TPR: variants seen among roughly 807,000 people sequenced by gnomAD.
The protein encoded by TPR is translocated promoter region, nuclear basket protein.
In TPR, 51 loss-of-function variants were observed where a neutral mutation model predicts 316.1. That is an observed-to-expected ratio of 0.16 (90% CI 0.13 to 0.20). The LOEUF (loss-of-function observed/expected upper bound fraction) is 0.20. TPR is among the 10% of genes least tolerant of loss of function. TPR has a pLI of 1.00. For synonymous variants in TPR, 981 were observed against 914.7 expected, an observed-to-expected ratio of 1.07 and a Z score of -1.31; for missense variants, 2,272 against 2,754.8, an observed-to-expected ratio of 0.82 and a Z score of 3.92.
At chr1:186,338,590 A>T (rs1462827745) in intron 30 of TPR, among the ~76,000 whole-genome samples, 3 of 152,208 alleles carry the variant, frequency 2.0e-5, no homozygotes, top group Admixed American at 2.0e-4. Flanking sequence ...GAGTATTGTC[A>T]AATTTTTTCT....
chr1:186,347,675 C>G (rs1174675339), intron 21 of TPR, among the ~76,000 whole-genome samples: 1 of 152,088 alleles, frequency 6.6e-6, no homozygotes, highest in Non-Finnish European at 1.5e-5. Context: ...AAATCTGTTA[C>G]AAAAATTAAG....
chr1:186,334,309 GTAT>G lies in TPR; in HGVS notation c.5182+13_5182+15del. 6.2e-7 allele frequency: 1 copy of G among 1,600,666 alleles called. No homozygotes were observed. Among genetic ancestry groups the G allele is most frequent in the Non-Finnish European group, 8.5e-7 (1 of 1,170,696 alleles). ...CTAAATAAGCAGTCTCATCAGATCT[GTAT>G]TATTTTACTAACCTTCCTGTGATTC... On this transcript the variant is annotated intron_variant, in intron 36 of 50. Coordinates refer to ENST00000367478, the MANE Select transcript of TPR (RefSeq NM_003292.3).
chr1:186,360,638 T>G, intron 10 of TPR, 127 bp downstream of exon 10: 1 of 1,259,206 alleles, frequency 7.9e-7, no homozygotes, highest in South Asian at 1.4e-5. Context: ...ACAAATTCTA[T>G]TAATATAACT....
intron 2 of TPR, among the ~76,000 whole-genome samples, chr1:186,372,636 C>T (rs1323049889): frequency 6.6e-6 from 1 of 152,194 alleles, no homozygotes; most frequent in Non-Finnish European, 1.5e-5. Flanking sequence ...CAGTCTACAG[C>T]CAGACCACCC....
At chr1:186,342,980 T>A in intron 27 of TPR, 1 of 179,194 alleles carries the variant, frequency 5.6e-6, no homozygotes, top group Non-Finnish European at 1.2e-5. Flanking sequence ...AAGCACCCAC[T>A]ACATACCAGA....
chr1:186,327,271 T>TAA (rs1336587257), intron 40 of TPR, among the ~76,000 whole-genome samples, 189 bp downstream of exon 40: 2 of 6,046 alleles, frequency 3.3e-4, no homozygotes, highest in African/African-American at 1.0e-3. Flanking sequence ...ATAATATATA[T>TAA]ATTTATATAT....
intron 49 of TPR, among the ~76,000 whole-genome samples, chr1:186,315,213 A>ACAAAC (rs1168318731): frequency 6.6e-6 from 1 of 150,552 alleles, no homozygotes; most frequent in Admixed American, 6.6e-5. Flanking sequence ...TCTCAAAAAA[A>ACAAAC]AAACAAACAA....
chr1:186,322,350 T>A lies in TPR; in HGVS notation c.6429A>T (p.Pro2143=). Residue 2143 remains proline, a synonymous_variant, in exon 45 of 51, where the codon CCA becomes CCT. Transcript: ENST00000367478. Reference sequence around the variant, plus strand: ...CTTCAGCAAATCCATCAGTACGATGTGGCACCACAAGAGTTGGAGTACTTG... The same window carrying A: ...CTTCAGCAAATCCATCAGTACGATGAGGCACCACAAGAGTTGGAGTACTTG... ...TVPSTPTLVV[P]HRTDGFAEAI... is the part of the protein sequence containing the mutation. 6.2e-7 allele frequency: 1 copy of A among 1,613,316 alleles called. No individual in the cohort carries two copies. The highest frequency in any genetic ancestry group is 1.3e-5 in the African/African-American group (1 of 74,996).
chr1:186,350,223 C>T lies in TPR; in HGVS notation c.2776G>A (p.Gly926Ser), dbSNP rs1658818670. Residue 926 changes from glycine to serine, a missense_variant and splice_region_variant, in exon 21 of 51, where the codon GGT (glycine) becomes AGT (serine). Around this residue, in one of 10 missense-constraint regions of TPR, gnomAD observed 757 missense variants for 859.8 expected, o/e 0.88. Transcript: ENST00000367478. ...ASQSSQRTGK[G>S]QPSNKEDVDD... ...ATATTGGTCTACTTATTTTATTTAC[C>T]TTTACCAGTTCTCTGTGAAGACTGA... 2 of 1,600,676 alleles carry T rather than the reference C, an allele frequency of 1.2e-6. No homozygotes were observed. Among genetic ancestry groups the T allele is most frequent in the Non-Finnish European group, 1.7e-6 (2 of 1,175,708 alleles).
chr1:186,354,932 T>C lies in TPR; in HGVS notation c.2171+478A>G, dbSNP rs1226077430. Among the ~76,000 whole-genome samples, 4 of 152,146 alleles carry C rather than the reference T, an allele frequency of 2.6e-5. No homozygotes were observed. The East Asian group carries it at 7.7e-4, about 29-fold the overall frequency. ...TATTTTATTTTTTTGAGACAGAATC[T>C]CACTCTCTTGCCCAGACTGGAGTGC... On this transcript the variant is annotated intron_variant, in intron 17 of 50. Coordinates refer to ENST00000367478, the MANE Select transcript of TPR (RefSeq NM_003292.3).
chr1:186,357,933 G>A (rs1401128137), intron 13 of TPR, among the ~76,000 whole-genome samples: 1 of 151,988 alleles, frequency 6.6e-6, no homozygotes, highest in East Asian at 1.9e-4. Flanking sequence ...CTATTTTTTT[G>A]TGTGTGCTTT....
At chr1:186,314,120 G>T in intron 50 of TPR, 94 bp from the exon 51 acceptor site, 1 of 1,181,696 alleles carries the variant, frequency 8.5e-7, no homozygotes, top group Non-Finnish European at 1.2e-6. Flanking sequence ...AAATATCTAG[G>T]CATTGTGGAT....
Position 186,335,434 on chromosome 1 carries a change from T to C in TPR, c.4815A>G (p.Gln1605=), listed in dbSNP as rs1658309853. 5.0e-6 allele frequency: 8 copies of C among 1,613,818 alleles called. No homozygotes were observed. The highest frequency in any genetic ancestry group is 6.8e-6 in the Non-Finnish European group (8 of 1,179,784). The change falls in exon 34 of 51, where the codon CAA becomes CAG. Residue 1605 remains glutamine, a synonymous_variant. Coordinates refer to ENST00000367478, the MANE Select transcript of TPR (RefSeq NM_003292.3). ...CCAAGCGACTAATTCGACCTTCATA[T>C]TGGGACTTTAGCGCAGTAATGCGAA... ...LDVRITALKS[Q]YEGRISRLER...
In TPR at chr1:186,313,414, TGG is replaced by T; in HGVS notation, c.*555_*556del. On this transcript the variant is annotated 3_prime_UTR_variant, in exon 51 of 51. Transcript: ENST00000367478. ...CCCCAAGTAAATTATTTTTCAAACT[TGG>T]TTACTCTTTAATGTTTACTTCATAA... 2.5e-6 allele frequency: 1 copy of T among 404,138 alleles called. No individual in the cohort carries two copies. The highest frequency in any genetic ancestry group is 4.4e-6 in the Non-Finnish European group (1 of 225,084). 25.0% of individuals were successfully genotyped at this position (404,138 alleles called of 1,614,324 possible).
chr1:186,322,246 G>T, intron 45 of TPR, 72 bp downstream of exon 45: 27 of 1,408,402 alleles, frequency 1.9e-5, no homozygotes, highest in Non-Finnish European at 2.5e-5. Flanking sequence ...TTAACCAAAT[G>T]ATAAACAAAC....
chr1:186,314,718 C>T lies in TPR; in HGVS notation c.6947G>A (p.Ser2316Asn), dbSNP rs758939822. The change falls in exon 50 of 51, where the codon AGT becomes AAT. Residue 2316 changes from serine to asparagine, a missense_variant. By Grantham distance (46) the Ser-to-Asn change is conservative. Transcript: ENST00000367478. ...TCTGAAAGGCTTTGGTTGACTACTA[C>T]TAGTATCTAAGAAAAACATTAAGAT... ...DPPSSSSVDT[S>N]SSQPKPFRRV... The T allele has an allele frequency of 4.5e-5, 72 of 1,603,942 alleles. No individual in the cohort carries two copies. The highest frequency in any genetic ancestry group is 3.6e-5 in the Non-Finnish European group (42 of 1,175,700).
chr1:186,357,085 G>A (rs567029300), intron 14 of TPR, among the ~76,000 whole-genome samples: 3 of 152,034 alleles, frequency 2.0e-5, no homozygotes, highest in South Asian at 2.1e-4. Context: ...TTACCCTGTC[G>A]TCCCACTTAG....
chr1:186,373,398 G>C lies in TPR; in HGVS notation c.217C>G (p.Arg73Gly). 3.7e-6 allele frequency: 6 copies of C among 1,612,810 alleles called. No individual in the cohort carries two copies. Among genetic ancestry groups the C allele is most frequent in the Non-Finnish European group, 4.2e-6 (5 of 1,179,324 alleles). ...TCAAGCCGCAAGCTTTGACACTCTCGGGTTTCATTCACAAGTCTCTCCTGA... is the reference window on the plus strand; with the variant it reads ...TCAAGCCGCAAGCTTTGACACTCTCCGGTTTCATTCACAAGTCTCTCCTGA... ...HSQERLVNET[R>G]ECQSLRLELE... is the part of the protein sequence containing the mutation. Residue 73 changes from arginine (R) to glycine (G), a missense_variant, in exon 2 of 51, where the codon CGA (arginine) becomes GGA (glycine). Around this residue, in one of 10 missense-constraint regions of TPR, gnomAD observed 549 missense variants for 598.6 expected, o/e 0.92. Coordinates refer to ENST00000367478, the MANE Select transcript of TPR (RefSeq NM_003292.3).
rs1167670855 is a variant in TPR at position 186,374,998 on chromosome 1, G to A, written c.31C>T (p.Arg11Cys). 6.2e-7 allele frequency: 1 copy of A among 1,614,126 alleles called. No individual in the cohort carries two copies. The highest frequency in any genetic ancestry group is 8.5e-7 in the Non-Finnish European group (1 of 1,180,030). The stretch of plus-strand genomic sequence containing the variant: ...TTGGGCAGCTTGTTCAGCTCCGTGC[G>A]CTCCAGGACTTGCTGCAACACCGCC... Reference protein sequence around the residue: MAAVLQQVLERTELNKLPKSV... With the variant: MAAVLQQVLECTELNKLPKSV... The change falls in exon 1 of 51, where the codon CGC becomes TGC. Residue 11 changes from arginine (R) to cysteine (C), a missense_variant. This residue lies in a region of TPR where 549 missense variants were observed against 598.6 expected (regional missense o/e 0.92). Coordinates refer to ENST00000367478, the MANE Select transcript of TPR (RefSeq NM_003292.3).
Sources: gnomAD v4.1 joint callset for allele counts (sites outside exome capture counted in the v4.1 genomes callset) on GRCh38, gnomAD v4.1.1 for gene constraint, gnomAD v4.1.1 regional missense constraint, MANE v1.5 for transcripts, NCBI Gene and HGNC (gene_info 2026-07-23, HGNC 2026-07-21) for gene names.